The following ZNF569 variants were observed in gnomAD, a reference collection of about 807,000 sequenced individuals.
The protein encoded by ZNF569 is zinc finger protein 569, also known as DNA-binding protein.
In ZNF569, 38 loss-of-function variants were observed where a neutral mutation model predicts 56.3. The ratio of observed to expected loss-of-function variants is 0.68; its 90% CI spans 0.52 to 0.88. ZNF569 has a LOEUF of 0.88. ZNF569 is among the 40% of genes least tolerant of loss of function. The pLI is 0.00. For synonymous variants in ZNF569, 241 were observed against 262.9 expected (o/e 0.92, Z 0.81); for missense variants, 666 against 809.2 (o/e 0.82, Z 2.15).
In ZNF569 at chr19:37,413,207, T is replaced by C; in HGVS notation, c.1451A>G (p.His484Arg). 6.2e-7 allele frequency: 1 copy of C among 1,608,122 alleles called. No homozygotes were observed. Among genetic ancestry groups the C allele is most frequent in the Non-Finnish European group, 8.5e-7 (1 of 1,178,090 alleles). ...TTTCTCTCCAGAATGAATTTTTTCA[T>C]GAGCAATGAGATTTGATTTCTGGCT... ...AFSQKSNLIA[H>R]EKIHSGEKPY... The change falls in exon 6 of 6, where the codon CAT (histidine) becomes CGT (arginine). Residue 484 changes from histidine to arginine, a missense_variant. By Grantham distance (29) the His-to-Arg change is conservative (BLOSUM62 0). Transcript: ENST00000316950.
chr19:37,461,747 C>G (rs1280127914), intron 2 of ZNF569, among the ~76,000 whole-genome samples: 1 of 152,156 alleles, frequency 6.6e-6, no homozygotes, highest in Non-Finnish European at 1.5e-5. Flanking sequence ...ACTTACCTAG[C>G]CTAAAATCCA....
At chr19:37,417,080 G>A (rs955830667) in intron 5 of ZNF569, among the ~76,000 whole-genome samples, 19 of 152,268 alleles carry the variant, frequency 1.2e-4, no homozygotes, top group African/African-American at 4.3e-4. Context: ...AGACATGGAA[G>A]AAATGCCATG....
At chr19:37,445,352 A>G (rs751996214) in intron 2 of ZNF569, among the ~76,000 whole-genome samples, 19 of 152,238 alleles carry the variant, frequency 1.2e-4, no homozygotes, top group Non-Finnish European at 2.6e-4. Flanking sequence ...AAAAGGTGAT[A>G]TATCTTGAGG....
intron 2 of ZNF569, among the ~76,000 whole-genome samples, chr19:37,462,267 A>G (rs2041768343): frequency 6.6e-6 from 1 of 151,942 alleles, no homozygotes; most frequent in South Asian, 2.1e-4. Flanking sequence ...ACTAGATCTC[A>G]TTTGCTCTGG....
chr19:37,428,131 G>C (rs905917789), intron 3 of ZNF569, among the ~76,000 whole-genome samples: 2 of 152,070 alleles, frequency 1.3e-5, no homozygotes, highest in African/African-American at 4.8e-5. Flanking sequence ...GAAAATACTT[G>C]GGAAAAAGAA....
chr19:37,423,154 G>T (rs2041066130), intron 5 of ZNF569, among the ~76,000 whole-genome samples: 1 of 152,110 alleles, frequency 6.6e-6, no homozygotes, highest in Non-Finnish European at 1.5e-5. Flanking sequence ...AATTAAGTGG[G>T]TAATTTCATG....
At chr19:37,466,793 C>G (rs748383995) in intron 1 of ZNF569, 1 of 152,266 alleles carries the variant, frequency 6.6e-6, no homozygotes, top group Non-Finnish European at 1.5e-5. Context: ...CACGTTTGCA[C>G]GCAGGTTCAT....
chr19:37,426,140 C>T (rs1039173607), intron 4 of ZNF569, 112 bp downstream of exon 4: 1 of 1,391,768 alleles, frequency 7.2e-7, no homozygotes, highest in African/African-American at 1.4e-5. Context: ...AAAAGCATCC[C>T]AAGGCCAAGC....
chr19:37,423,257 G>A (rs2041067908), intron 5 of ZNF569, among the ~76,000 whole-genome samples: 1 of 152,238 alleles, frequency 6.6e-6, no homozygotes. Flanking sequence ...AATGAAAAGA[G>A]TTGTCAAGGA....
intron 2 of ZNF569, among the ~76,000 whole-genome samples, chr19:37,453,156 T>C (rs1031837091): frequency 6.6e-6 from 1 of 152,202 alleles, no homozygotes; most frequent in African/African-American, 2.4e-5. Flanking sequence ...GATGGCGTAC[T>C]GGTTGCACAA....
chr19:37,432,904 CTTTTTT>C (rs869051048), intron 3 of ZNF569, among the ~76,000 whole-genome samples: 2 of 122,536 alleles, frequency 1.6e-5, no homozygotes, highest in African/African-American at 6.1e-5. Context: ...ATGCATCAGT[CTTTTTT>C]TTTTTTTTTT....
At position 37,413,961 on chromosome 19, in the gene ZNF569, A is replaced by G. The variant is rs779032580; in HGVS notation, c.697T>C (p.Tyr233His). The stretch of plus-strand genomic sequence containing the variant: ...GACTGCTCCCTACTGTGAATTTTAT[A>G]ATGTTTAATAAGTTTTTCCTTGTGA... ...FSHKEKLIKH[Y>H]KIHSREQSYK... The change falls in exon 6 of 6, where the codon TAT becomes CAT. Residue 233 changes from tyrosine to histidine, a missense_variant. Coordinates refer to ENST00000316950, the MANE Select transcript of ZNF569 (RefSeq NM_152484.3). 34 of 1,613,138 alleles carry G rather than the reference A, an allele frequency of 2.1e-5. No individual in the cohort carries two copies. The highest frequency in any genetic ancestry group is 1.2e-5 in the Non-Finnish European group (14 of 1,179,858).
intron 5 of ZNF569, among the ~76,000 whole-genome samples, chr19:37,418,160 T>C (rs932541861): frequency 1.3e-5 from 2 of 151,176 alleles, no homozygotes; most frequent in Non-Finnish European, 2.9e-5. Flanking sequence ...TCTATGAGTA[T>C]GTGTTTATAT....
At chr19:37,467,855 CTGTT>C (rs1234914082), upstream of ZNF569, 2 of 1,535,322 alleles carry the variant, frequency 1.3e-6, no homozygotes, top group Non-Finnish European at 8.7e-7. Flanking sequence ...ATTCTCGTGG[CTGTT>C]TGATTCTGAC....
chr19:37,412,688 G>A lies in ZNF569; in HGVS notation c.1970C>T (p.Thr657Ile). 1.2e-6 allele frequency: 2 copies of A among 1,614,114 alleles called. No homozygotes were observed. Among genetic ancestry groups the A allele is most frequent in the Non-Finnish European group, 1.7e-6 (2 of 1,179,970 alleles). ...SSLTLHMRKH[T>I]GEKPYHCIEC... The stretch of plus-strand genomic sequence containing the variant: ...AATACAGTGATAGGGCTTCTCACCT[G>A]TATGTTTTCTCATATGAAGGGTAAG... The change falls in exon 6 of 6, where the codon ACA (threonine) becomes ATA (isoleucine). Residue 657 changes from threonine to isoleucine, a missense_variant. Thr to Ile is a moderately conservative substitution (Grantham distance 89). Coordinates refer to ENST00000316950, the MANE Select transcript of ZNF569 (RefSeq NM_152484.3).
chr19:37,413,111 T>A lies in ZNF569; in HGVS notation c.1547A>T (p.His516Leu). The A allele has an allele frequency of 6.2e-7, 1 of 1,612,624 alleles. No homozygotes were observed. The highest frequency in any genetic ancestry group is 8.5e-7 in the Non-Finnish European group (1 of 1,179,470). ...KQNFITHQKV[H>L]TGEKPYDCNE... The stretch of plus-strand genomic sequence containing the variant: ...ACAATCATAAGGTTTCTCTCCAGTA[T>A]GAACTTTTTGATGTGTAATGAAGTT... The change falls in exon 6 of 6, where the codon CAT becomes CTT. Residue 516 changes from histidine to leucine, a missense_variant. Physicochemically the swap from His to Leu is moderately conservative, Grantham distance 99. Transcript: ENST00000316950.
At chr19:37,447,626 A>G (rs1170166460) in intron 2 of ZNF569, among the ~76,000 whole-genome samples, 1 of 152,152 alleles carries the variant, frequency 6.6e-6, no homozygotes. Flanking sequence ...ATTCCAGTAC[A>G]ATAGTGACTA....
At chr19:37,466,499 C>A (rs2041839658) in intron 1 of ZNF569, among the ~76,000 whole-genome samples, 1 of 151,898 alleles carries the variant, frequency 6.6e-6, no homozygotes, top group Non-Finnish European at 1.5e-5. Context: ...CGTGGTGGTG[C>A]GCCTGTAATC....
At position 37,412,699 on chromosome 19, in the gene ZNF569, C is replaced by T. The variant is rs1345781390; in HGVS notation, c.1959G>A (p.Met653Ile). The stretch of plus-strand genomic sequence containing the variant: ...AGGGCTTCTCACCTGTATGTTTTCT[C>T]ATATGAAGGGTAAGAGATGAGATTT... ...FSQISSLTLHMRKHTGEKPYH... is the reference protein window; with the variant it reads ...FSQISSLTLHIRKHTGEKPYH... Residue 653 changes from methionine (M) to isoleucine (I), a missense_variant, in exon 6 of 6, where the codon ATG (methionine) becomes ATA (isoleucine). By Grantham distance (10) the Met-to-Ile change is conservative. Coordinates refer to ENST00000316950, the MANE Select transcript of ZNF569 (RefSeq NM_152484.3). The T allele has an allele frequency of 6.2e-7, 1 of 1,614,000 alleles. No individual in the cohort carries two copies. The highest frequency in any genetic ancestry group is 8.5e-7 in the Non-Finnish European group (1 of 1,179,978).
Sources: allele counts gnomAD v4.1 joint callset (sites outside exome capture counted in the v4.1 genomes callset), GRCh38; gene constraint gnomAD v4.1.1; transcripts MANE v1.5; gene names NCBI Gene and HGNC (gene_info 2026-07-23, HGNC 2026-07-21).